RGMA: variants seen among roughly 807,000 people sequenced by gnomAD.
RGMA encodes the protein repulsive guidance molecule BMP co-receptor a.
In RGMA, 10 loss-of-function variants were observed where a neutral mutation model predicts 23.2. The observed-to-expected ratio is 0.43, with a 90% CI of 0.27 to 0.73. RGMA has a LOEUF of 0.73. RGMA is among the 30% of genes least tolerant of loss of function. The pLI is 0.20. For missense variants in RGMA, 547 were observed against 630.5 expected, an observed-to-expected ratio of 0.87 and a Z score of 1.42; for synonymous variants, 308 against 279.3, an observed-to-expected ratio of 1.10 and a Z score of -1.03.
chr15:93,081,151 C>T (rs1005014746), intron 1 of RGMA, among the ~76,000 whole-genome samples: 1 of 152,206 alleles, frequency 6.6e-6, no homozygotes, highest in Non-Finnish European at 1.5e-5. Context: ...GTCCTATCTT[C>T]AGCCCCTCAG....
At chr15:93,047,214 C>A (rs976237229) in intron 3 of RGMA, among the ~76,000 whole-genome samples, 1 of 152,168 alleles carries the variant, frequency 6.6e-6, no homozygotes, top group African/African-American at 2.4e-5. Context: ...CTCTGCCGTC[C>A]GCGTCCTGGG....
At chr15:93,065,941 C>T (rs1411989936) in intron 2 of RGMA, 10 of 780,676 alleles carry the variant, frequency 1.3e-5, no homozygotes, top group Admixed American at 5.9e-5. Context: ...AAACCACCGT[C>T]GGTAGAAGAA....
In RGMA at chr15:93,089,176, G is replaced by A. The variant is rs1895693813; in HGVS notation, c.-244C>T. 3 of 295,314 alleles carry A rather than the reference G, an allele frequency of 1.0e-5. No homozygotes were observed. Among genetic ancestry groups the A allele is most frequent in the East Asian group, 1.1e-4 (2 of 18,058 alleles). The allele number at this position is 295,314 out of a possible 1,614,324, so 18.3% of individuals were successfully genotyped here. A position where few individuals can be genotyped will look rare whatever the true frequency, so the allele number is the denominator to read the frequency against. On this transcript the variant is annotated 5_prime_UTR_variant, in exon 1 of 4. Transcript: ENST00000329082. Reference sequence around the variant, plus strand: ...GTGCTTCCCCGGCCCAGCGGCTCGGGCGGCGCAGCCAGCGCTCGGGAGACA... The same window carrying A: ...GTGCTTCCCCGGCCCAGCGGCTCGGACGGCGCAGCCAGCGCTCGGGAGACA...
intron 1 of RGMA, among the ~76,000 whole-genome samples, chr15:93,079,885 C>T (rs764091206): frequency 6.6e-6 from 1 of 152,130 alleles, no homozygotes; most frequent in African/African-American, 2.4e-5. Flanking sequence ...GGGTGCATGC[C>T]TGTGGACACA....
At chr15:93,068,032 C>A (rs1427002035) in intron 2 of RGMA, among the ~76,000 whole-genome samples, 4 of 151,998 alleles carry the variant, frequency 2.6e-5, no homozygotes, top group Admixed American at 1.3e-4. Flanking sequence ...CAGGGGAGTC[C>A]CTAACAGATA....
At chr15:93,083,165 G>A (rs929100284) in intron 1 of RGMA, among the ~76,000 whole-genome samples, 1 of 152,230 alleles carries the variant, frequency 6.6e-6, no homozygotes, top group Admixed American at 6.5e-5. Flanking sequence ...CTGGAGCTTA[G>A]GTATCTACTT....
intron 2 of RGMA, among the ~76,000 whole-genome samples, chr15:93,056,834 A>T (rs1223211095): frequency 2.0e-5 from 3 of 152,178 alleles, no homozygotes; most frequent in African/African-American, 7.2e-5. Context: ...CGCTGAGGAT[A>T]TGAGGAGATG....
At chr15:93,047,469 T>C (rs1261576253) in intron 3 of RGMA, among the ~76,000 whole-genome samples, 1 of 152,130 alleles carries the variant, frequency 6.6e-6, no homozygotes, top group Non-Finnish European at 1.5e-5. Context: ...TTTTGGGACC[T>C]CCTGCTAAAA....
In RGMA at chr15:93,057,632, G is replaced by A. The variant is rs544479952; in HGVS notation, c.131-5125C>T. 1.9e-4 allele frequency among the ~76,000 whole-genome samples: 29 copies of A among 152,280 alleles called. 1 individual carries two copies. The South Asian group carries it at 4.4e-3, about 23-fold the overall frequency. ...GCCAAGCTAAAGAGACAGTCATAGA[G>A]GGAAAACTGGCCGCCTCCCTCCTCT... On this transcript the variant is annotated intron_variant, in intron 2 of 3. Transcript: ENST00000329082.
chr15:93,052,854 G>A (rs1460610992), intron 2 of RGMA, among the ~76,000 whole-genome samples: 1 of 152,196 alleles, frequency 6.6e-6, no homozygotes, highest in Non-Finnish European at 1.5e-5. Context: ...ACACTTTCAT[G>A]GCCATCCCCA....
rs1030520419 is a variant in RGMA, at chr15:93,088,984, G to T, written c.-52C>A. 3.2e-6 allele frequency: 4 copies of T among 1,267,266 alleles called. No individual in the cohort carries two copies. Among genetic ancestry groups the T allele is most frequent in the Admixed American group, 4.0e-5 (1 of 24,972 alleles). 78.5% of individuals were successfully genotyped at this position (1,267,266 alleles called of 1,614,324 possible). A position where few individuals can be genotyped will look rare whatever the true frequency, so the allele number is the denominator to read the frequency against. Reference sequence around the variant, plus strand: ...CGCTGGCGGGGCTGCGGGAGAAGAGGGGGTGTCGGGGCGCCGCTCGTCTGC... The same window carrying T: ...CGCTGGCGGGGCTGCGGGAGAAGAGTGGGTGTCGGGGCGCCGCTCGTCTGC... On this transcript the variant is annotated 5_prime_UTR_variant, in exon 1 of 4. Transcript: ENST00000329082.
rs192709242 is a variant in RGMA at position 93,042,169 on chromosome 15, A to C, written c.*2829T>G. 11 of 152,210 alleles carry C rather than the reference A, an allele frequency of 7.2e-5. No individual in the cohort carries two copies. The highest frequency in any genetic ancestry group is 2.6e-4 in the African/African-American group (11 of 41,530). 9.4% of individuals were successfully genotyped at this position (152,210 alleles called of 1,614,324 possible). A position where few individuals can be genotyped will look rare whatever the true frequency, so the allele number is the denominator to read the frequency against. On this transcript the variant is annotated 3_prime_UTR_variant, in exon 4 of 4. Transcript: ENST00000329082. ...AGAGCAAGACGCCAGACTCCATTTC[A>C]AAAATAAAATAAAGTTCTCCTTTTT... is the stretch of plus-strand genomic sequence containing the variant.
rs1459068374 is a variant in RGMA at position 93,072,947 on chromosome 15, G to T, written c.99C>A (p.Thr33=). 2 of 1,609,630 alleles carry T rather than the reference G, an allele frequency of 1.2e-6. No homozygotes were observed. The highest frequency in any genetic ancestry group is 1.7e-4 in the Middle Eastern group (1 of 6,044). ...AGRSALGFWP[T]LAFLLCSFPA... is the part of the protein sequence containing the mutation. ...GGAAGCTGCAGAGAAGGAAGGCGAG[G>T]GTCGGCCAGAATCCCAGGGCTGAAC... The change falls in exon 2 of 4, where the codon ACC becomes ACA. Residue 33 remains threonine (T), a synonymous_variant. Coordinates refer to ENST00000329082, the MANE Select transcript of RGMA (RefSeq NM_020211.3).
intron 3 of RGMA, among the ~76,000 whole-genome samples, chr15:93,047,767 T>C (rs933592092): frequency 1.3e-5 from 2 of 152,220 alleles, no homozygotes; most frequent in Middle Eastern, 3.2e-3. Flanking sequence ...CTGCCGGCTC[T>C]CTGGGTAGAG....
At chr15:93,082,783 C>G (rs1439038098) in intron 1 of RGMA, among the ~76,000 whole-genome samples, 1 of 152,212 alleles carries the variant, frequency 6.6e-6, no homozygotes, top group African/African-American at 2.4e-5. Flanking sequence ...GTTTGTCTTT[C>G]TTTTGGATGG....
chr15:93,046,455 T>C (rs1260262751), intron 3 of RGMA, among the ~76,000 whole-genome samples: 1 of 152,338 alleles, frequency 6.6e-6, no homozygotes, highest in Admixed American at 6.5e-5. Flanking sequence ...ATAAAACATT[T>C]CTGTTGGTTT....
chr15:93,059,919 A>G (rs908947707), intron 2 of RGMA, among the ~76,000 whole-genome samples: 4 of 152,236 alleles, frequency 2.6e-5, no homozygotes, highest in African/African-American at 9.6e-5. Context: ...AAGGAAGGAA[A>G]GTTTGAGCTG....
Position 93,075,289 on chromosome 15 carries a change from T to C in RGMA, c.15-2258A>G, listed in dbSNP as rs956134718. On this transcript the variant is annotated intron_variant, in intron 1 of 3. Transcript: ENST00000329082. ...TCCATTACATACAGTAGTTTTTTTTTCCAAAGCTATTTTAAGTATTGTTAA... is the reference window on the plus strand; with the variant it reads ...TCCATTACATACAGTAGTTTTTTTTCCCAAAGCTATTTTAAGTATTGTTAA... Among the ~76,000 whole-genome samples the C allele has an allele frequency of 9.3e-4, 142 of 152,324 alleles. 1 individual carries two copies. Among genetic ancestry groups the C allele is most frequent in the Admixed American group, 1.6e-3 (25 of 15,304 alleles).
At chr15:93,066,089 G>A (rs143745795) in intron 2 of RGMA, 22,209 of 1,504,672 alleles carry the variant, frequency 0.015, 216 homozygotes, top group Middle Eastern at 0.033. Flanking sequence ...GGGATGAATC[G>A]GCGAAACTTA....
Sources: allele counts gnomAD v4.1 joint callset (sites outside exome capture counted in the v4.1 genomes callset), GRCh38; gene constraint gnomAD v4.1.1; transcripts MANE v1.5; gene names NCBI Gene and HGNC (gene_info 2026-07-23, HGNC 2026-07-21).